PLEKHH2: variants seen among roughly 807,000 people sequenced by gnomAD.
PLEKHH2 encodes pleckstrin homology, MyTH4 and FERM domain containing H2.
PLEKHH2 carries 129 observed loss-of-function variants against 187.9 expected under a neutral mutation model. The ratio of observed to expected loss-of-function variants is 0.69; its 90% CI spans 0.59 to 0.79. The LOEUF is 0.79. Ranked by LOEUF, PLEKHH2 falls within the 30% of genes least tolerant of loss-of-function variation. The probability of loss-of-function intolerance (pLI) is 0.00; values close to 1 mark genes in which losing one functional copy is unlikely to be tolerated. For synonymous variants in PLEKHH2, 686 were observed against 605.6 expected, an observed-to-expected ratio of 1.13 and a Z score of -1.95; for missense variants, 2,076 against 1,751.2, an observed-to-expected ratio of 1.19 and a Z score of -3.31.
In PLEKHH2 at chr2:43,710,564, CA is replaced by C; in HGVS notation, c.2293del (p.Thr765GlnfsTer4). On this transcript the variant is annotated frameshift_variant, in exon 14 of 30. Coordinates refer to ENST00000282406, the MANE Select transcript of PLEKHH2 (RefSeq NM_172069.4). LOFTEE classifies it high-confidence loss of function. ...SCSILRGDNKQTVQLTTEKHT... is the reference protein window; with the variant it reads ...SCSILRGDNKXTVQLTTEKHT... ...TAGTATTTTAAGAGGAGATAACAAA[CA>C]AACAGTTCAGGTACTTAACTTTTTT... 1 of 1,447,670 alleles carries C rather than the reference CA, an allele frequency of 6.9e-7. No individual in the cohort carries two copies. The highest frequency in any genetic ancestry group is 2.5e-5 in the East Asian group (1 of 40,600). 89.7% of individuals were successfully genotyped at this position (1,447,670 alleles called of 1,614,324 possible).
At position 43,678,771 on chromosome 2, in the gene PLEKHH2, G is replaced by GAGGTGT; in HGVS notation, c.124-88_124-87insGTAGGT. 5.6e-6 allele frequency: 3 copies of GAGGTGT among 537,948 alleles called. No individual in the cohort carries two copies. The East Asian group carries it at 7.7e-5, about 14-fold the overall frequency. The allele number at this position is 537,948 out of a possible 1,614,324, so 33.3% of individuals were successfully genotyped here. On this transcript the variant is annotated intron_variant, in intron 2 of 29. Transcript: ENST00000282406. ...GGAGGTGGAGGTGGAGGTGGAGGTG[G>GAGGTGT]AGGTAGAATTATGAGATTTTTAAAG...
intron 28 of PLEKHH2, 36 bp downstream of exon 28, chr2:43,762,426 C>A: frequency 1.4e-6 from 2 of 1,449,478 alleles, no homozygotes; most frequent in African/African-American, 1.4e-5. Flanking sequence ...ATTAAGTCAA[C>A]TGTTTCCATT....
At position 43,699,902 on chromosome 2, in the gene PLEKHH2, T is replaced by C. The variant is rs374484703; in HGVS notation, c.944T>C (p.Val315Ala). ...TCCAGTCACACATCTGAGGAAGGGG[T>C]CCAGTGTAGCAGGATGGGAAGTGAA... ...TLSSHTSEEGVQCSRMGSEMY... is the reference protein window; with the variant it reads ...TLSSHTSEEGAQCSRMGSEMY... The change falls in exon 8 of 30, where the codon GTC (valine) becomes GCC (alanine). Residue 315 changes from valine to alanine, a missense_variant. By Grantham distance (64) the Val-to-Ala change is moderately conservative. Coordinates refer to ENST00000282406, the MANE Select transcript of PLEKHH2 (RefSeq NM_172069.4). 6.2e-7 allele frequency: 1 copy of C among 1,613,940 alleles called. No homozygotes were observed.
At chr2:43,682,013 A>T (rs1315452593) in intron 3 of PLEKHH2, among the ~76,000 whole-genome samples, 1 of 152,158 alleles carries the variant, frequency 6.6e-6, no homozygotes, top group Non-Finnish European at 1.5e-5. Flanking sequence ...CACCCACTTC[A>T]ACAATTAGTC....
chr2:43,766,510 T>C lies in PLEKHH2; in HGVS notation c.*912T>C, dbSNP rs1369212200. The C allele has an allele frequency of 1.3e-5, 2 of 152,740 alleles. No individual in the cohort carries two copies. Among genetic ancestry groups the C allele is most frequent in the African/African-American group, 4.8e-5 (2 of 41,394 alleles). 9.5% of individuals were successfully genotyped at this position (152,740 alleles called of 1,614,324 possible). Reference sequence around the variant, plus strand: ...GGTCTTGCTATGTTGCCCAGGCTGGTCTTGAACTCCTGGCCTCAAGCAATC... The same window carrying C: ...GGTCTTGCTATGTTGCCCAGGCTGGCCTTGAACTCCTGGCCTCAAGCAATC... On this transcript the variant is annotated 3_prime_UTR_variant, in exon 30 of 30. Coordinates refer to ENST00000282406, the MANE Select transcript of PLEKHH2 (RefSeq NM_172069.4).
chr2:43,732,564 T>A (rs1354246205), intron 19 of PLEKHH2, among the ~76,000 whole-genome samples: 1 of 152,176 alleles, frequency 6.6e-6, no homozygotes, highest in Non-Finnish European at 1.5e-5. Context: ...TCCTCACAAG[T>A]ACGTCACATC....
rs1668854576 is a variant in PLEKHH2, at chr2:43,692,570, G to A, written c.243G>A (p.Glu81=). ...KAANIQTSES[E]TRLYNKCQDL... ...CTAATATTCAAACCAGTGAATCAGAGACAAGATTATATAATAAGTGTCAAG... is the reference window on the plus strand; with the variant it reads ...CTAATATTCAAACCAGTGAATCAGAAACAAGATTATATAATAAGTGTCAAG... Residue 81 remains glutamate (E), a synonymous_variant, in exon 4 of 30, where the codon GAG becomes GAA. Coordinates refer to ENST00000282406, the MANE Select transcript of PLEKHH2 (RefSeq NM_172069.4). 1.3e-6 allele frequency: 2 copies of A among 1,599,806 alleles called. No homozygotes were observed. Among genetic ancestry groups the A allele is most frequent in the South Asian group, 2.2e-5 (2 of 90,452 alleles).
At chr2:43,757,063 T>A (rs1672239005) in intron 25 of PLEKHH2, 56 bp from the exon 26 acceptor site, 3 of 1,342,502 alleles carry the variant, frequency 2.2e-6, no homozygotes, top group Non-Finnish European at 2.0e-6. Flanking sequence ...AACTAACTGA[T>A]TTTCTGTCTT....
chr2:43,678,695 C>A (rs561690869), intron 2 of PLEKHH2, among the ~76,000 whole-genome samples, 168 bp from the exon 3 acceptor site: 2 of 150,496 alleles, frequency 1.3e-5, no homozygotes, highest in Non-Finnish European at 3.0e-5. Flanking sequence ...CAGAGGGAGA[C>A]CATGGAAAGA....
At position 43,710,036 on chromosome 2, in the gene PLEKHH2, T is replaced by C; in HGVS notation, c.2013T>C (p.Pro671=). 1 of 1,613,198 alleles carries C rather than the reference T, an allele frequency of 6.2e-7. No homozygotes were observed. Among genetic ancestry groups the C allele is most frequent in the Non-Finnish European group, 8.5e-7 (1 of 1,179,306 alleles). ...CTTCTGAAAGTGATTATGCTATTCCTCCTGATGCTTACTCCACAGACACGG... is the reference window on the plus strand; with the variant it reads ...CTTCTGAAAGTGATTATGCTATTCCCCCTGATGCTTACTCCACAGACACGG... The part of the protein sequence containing the change: ...SVASESDYAI[P]PDAYSTDTEY... The change falls in exon 12 of 30, where the codon CCT becomes CCC. Residue 671 remains proline, a synonymous_variant. Coordinates refer to ENST00000282406, the MANE Select transcript of PLEKHH2 (RefSeq NM_172069.4).
At chr2:43,693,507 C>T (rs1276291929) in intron 4 of PLEKHH2, among the ~76,000 whole-genome samples, 8 of 152,000 alleles carry the variant, frequency 5.3e-5, no homozygotes, top group Non-Finnish European at 7.4e-5. Context: ...AGGTGGATCA[C>T]GAGGTCAGGA....
At chr2:43,681,023 A>G in intron 3 of PLEKHH2, 1 of 1,278,568 alleles carries the variant, frequency 7.8e-7, no homozygotes, top group Non-Finnish European at 1.1e-6. Context: ...CTGTTCCCTC[A>G]GAATGCCAAC....
chr2:43,728,309 T>G (rs1472223316), intron 17 of PLEKHH2, among the ~76,000 whole-genome samples: 1 of 151,496 alleles, frequency 6.6e-6, no homozygotes, highest in African/African-American at 2.4e-5. Flanking sequence ...TGAAACTCCA[T>G]CTCTACTAAA....
At chr2:43,709,950 G>C in intron 11 of PLEKHH2, 40 bp from the exon 12 acceptor site, 1 of 1,564,916 alleles carries the variant, frequency 6.4e-7, no homozygotes, top group East Asian at 2.2e-5. Context: ...GCCCTCCCCA[G>C]TATTAAATAC....
chr2:43,651,235 ATTG>A (rs1558417938), intron 2 of PLEKHH2, among the ~76,000 whole-genome samples: 1 of 150,442 alleles, frequency 6.6e-6, no homozygotes, highest in Admixed American at 6.6e-5. Context: ...TGCCTCAACC[ATTG>A]TTGTATTTTT....
At chr2:43,743,693 G>A in intron 22 of PLEKHH2, 141 bp from the exon 23 acceptor site, 2 of 804,116 alleles carry the variant, frequency 2.5e-6, no homozygotes, top group Non-Finnish European at 3.5e-6. Flanking sequence ...CTCCAGAGGA[G>A]CTTTGGGAAA....
chr2:43,730,295 A>G (rs1379758723), intron 18 of PLEKHH2, among the ~76,000 whole-genome samples: 4 of 152,204 alleles, frequency 2.6e-5, no homozygotes, highest in Non-Finnish European at 4.4e-5. Flanking sequence ...ATCAGCTATC[A>G]TTAGTGTTTA....
At chr2:43,707,684 C>T in intron 11 of PLEKHH2, 139 bp downstream of exon 11, 1 of 902,948 alleles carries the variant, frequency 1.1e-6, no homozygotes, top group Non-Finnish European at 1.6e-6. Context: ...TAGCCTATGA[C>T]TGATATGTTT....
At chr2:43,695,595 G>T (rs1311581942) in intron 6 of PLEKHH2, among the ~76,000 whole-genome samples, 2 of 152,160 alleles carry the variant, frequency 1.3e-5, no homozygotes. Flanking sequence ...CATTAGCCTG[G>T]GAGGTCAGAC....
Sources: gnomAD v4.1 joint callset for allele counts (sites outside exome capture counted in the v4.1 genomes callset) on GRCh38, gnomAD v4.1.1 for gene constraint, MANE v1.5 for transcripts, NCBI Gene and HGNC (gene_info 2026-07-23, HGNC 2026-07-21) for gene names.